The following ENTPD4 variants were observed in gnomAD, a reference collection of about 807,000 sequenced individuals.
The protein encoded by ENTPD4 is ectonucleoside triphosphate diphosphohydrolase 4, also known as Golgi UDPase.
A neutral mutation model predicts 79.1 loss-of-function variants in ENTPD4; 60 were observed. The observed-to-expected ratio is 0.76, with a 90% CI of 0.62 to 0.94. The LOEUF (loss-of-function observed/expected upper bound fraction) is 0.94, where lower values mean the gene tolerates loss of function less well. ENTPD4 is among the 40% of genes least tolerant of loss of function. The pLI, the probability that ENTPD4 is intolerant of heterozygous loss-of-function variation, is 0.00. For missense variants in ENTPD4, 772 were observed against 775.1 expected (o/e 1.00, Z 0.05); for synonymous variants, 276 against 292.0 (o/e 0.95, Z 0.56).
In ENTPD4 at chr8:23,433,219, C is replaced by G. The variant is rs764237088; in HGVS notation, c.1623-65G>C. 6 of 1,425,056 alleles carry G rather than the reference C, an allele frequency of 4.2e-6. No homozygotes were observed. In the African/African-American group the frequency reaches 7.0e-5, roughly 17 times the overall value. 88.3% of individuals were successfully genotyped at this position (1,425,056 alleles called of 1,614,324 possible). On this transcript the variant is annotated intron_variant, in intron 12 of 12. Transcript: ENST00000358689. ...CAAGGAAAGGGGTGGAAAGGGTGCACAGGGGGACGGCGGGACCCAGGCCCC... is the reference window on the plus strand; with the variant it reads ...CAAGGAAAGGGGTGGAAAGGGTGCAGAGGGGGACGGCGGGACCCAGGCCCC...
At chr8:23,447,424 G>A (rs1800780905) in intron 4 of ENTPD4, among the ~76,000 whole-genome samples, 1 of 152,192 alleles carries the variant, frequency 6.6e-6, no homozygotes, top group African/African-American at 2.4e-5. Context: ...CATCTGCGTA[G>A]ATACCATGAG....
Position 23,443,924 on chromosome 8 carries a change from A to G in ENTPD4, c.593T>C (p.Leu198Pro), listed in dbSNP as rs1034484628. ...SQQKAILEDL[L>P]TDIPVHFDFL... is the part of the protein sequence containing the mutation. Reference sequence around the variant, plus strand: ...GTCAAAGTGCACGGGGATATCGGTCAGAAGGTCTTCCAGAATAGCTTTCTG... The same window carrying G: ...GTCAAAGTGCACGGGGATATCGGTCGGAAGGTCTTCCAGAATAGCTTTCTG... The change falls in exon 6 of 13, where the codon CTG becomes CCG. Residue 198 changes from leucine (L) to proline (P), a missense_variant. Transcript: ENST00000358689. The G allele has an allele frequency of 6.2e-7, 1 of 1,613,312 alleles. No homozygotes were observed. Among genetic ancestry groups the G allele is most frequent in the African/African-American group, 1.3e-5 (1 of 74,942 alleles).
chr8:23,435,566 C>T, intron 10 of ENTPD4, 89 bp from the exon 11 acceptor site: 1 of 868,940 alleles, frequency 1.2e-6, no homozygotes. Flanking sequence ...ATATTTGTAA[C>T]AAGCATATCC....
At chr8:23,439,349 T>A (rs1186965766) in intron 9 of ENTPD4, among the ~76,000 whole-genome samples, 1 of 152,188 alleles carries the variant, frequency 6.6e-6, no homozygotes, top group Non-Finnish European at 1.5e-5. Context: ...CATCACATAT[T>A]TCAATCTCCT....
chr8:23,455,833 T>A (rs1236118147), intron 1 of ENTPD4, among the ~76,000 whole-genome samples: 1 of 152,202 alleles, frequency 6.6e-6, no homozygotes, highest in Non-Finnish European at 1.5e-5. Context: ...CTAAGACGGG[T>A]ACCACCAATC....
At position 23,439,875 on chromosome 8, in the gene ENTPD4, C is replaced by A; in HGVS notation, c.923G>T (p.Gly308Val). 1 of 1,614,128 alleles carries A rather than the reference C, an allele frequency of 6.2e-7. No individual in the cohort carries two copies. The highest frequency in any genetic ancestry group is 1.1e-5 in the South Asian group (1 of 91,088). ...AKNLLAEFNL[G>V]CDVHQTEHVY... is the part of the protein sequence containing the mutation. ...ATGCTCAGTTTGGTGAACATCACAT[C>A]CCAAGTTAAATTCAGCTAACAAGTT... Residue 308 changes from glycine (G) to valine (V), a missense_variant, in exon 9 of 13, where the codon GGA (glycine) becomes GTA (valine). Physicochemically the swap from Gly to Val is moderately radical, Grantham distance 109 (BLOSUM62 -3). Transcript: ENST00000358689.
In ENTPD4 at chr8:23,439,737, A is replaced by G; in HGVS notation, c.1049+12T>C. The G allele has an allele frequency of 6.2e-7, 1 of 1,613,146 alleles. No homozygotes were observed. The highest frequency in any genetic ancestry group is 8.5e-7 in the Non-Finnish European group (1 of 1,179,234). Reference sequence around the variant, plus strand: ...TTTGCAAATGACTGCCAAGTAGTGAAAGGTGCTTTACCTGTTCTTTTGAAT... The same window carrying G: ...TTTGCAAATGACTGCCAAGTAGTGAGAGGTGCTTTACCTGTTCTTTTGAAT... On this transcript the variant is annotated intron_variant, in intron 9 of 12. Coordinates refer to ENST00000358689, the MANE Select transcript of ENTPD4 (RefSeq NM_004901.5).
Position 23,432,849 on chromosome 8 carries a change from C to G in ENTPD4, c.*77G>C. 1 of 1,462,646 alleles carries G rather than the reference C, an allele frequency of 6.8e-7. No homozygotes were observed. The highest frequency in any genetic ancestry group is 9.0e-7 in the Non-Finnish European group (1 of 1,105,568). The allele number at this position is 1,462,646 out of a possible 1,614,324, so 90.6% of individuals were successfully genotyped here. ...AAAAAAGGGAAAGAAAAAACAAAAC[C>G]ACAGGAAAATAAAGAGGAGAAACCC... On this transcript the variant is annotated 3_prime_UTR_variant, in exon 13 of 13. Coordinates refer to ENST00000358689, the MANE Select transcript of ENTPD4 (RefSeq NM_004901.5).
At position 23,437,278 on chromosome 8, in the gene ENTPD4, T is replaced by C; in HGVS notation, c.1050-20A>G. On this transcript the variant is annotated intron_variant, in intron 9 of 12. Coordinates refer to ENST00000358689, the MANE Select transcript of ENTPD4 (RefSeq NM_004901.5). The stretch of plus-strand genomic sequence containing the variant: ...AGGAGCCTATGGCAAAACAAGAAAC[T>C]TCATCGTGAGTCCTACAGAAAACTG... 2 of 1,544,696 alleles carry C rather than the reference T, an allele frequency of 1.3e-6. No homozygotes were observed. The highest frequency in any genetic ancestry group is 1.7e-6 in the Non-Finnish European group (2 of 1,145,846).
rs763647860 is a variant in ENTPD4 at position 23,437,030 on chromosome 8, A to C, written c.1278T>G (p.Ser426Arg). Residue 426 changes from serine to arginine, a missense_variant, in exon 10 of 13, where the codon AGT (serine) becomes AGG (arginine). Physicochemically the swap from Ser to Arg is moderately radical, Grantham distance 110. Transcript: ENST00000358689. ...VYQPPIHFQN[S>R]EFYGFSEFYY... ...AGAATTCGGAGAAGCCATAGAATTC[A>C]CTGTTCTGGAAGTGAATTGGGGGCT... 1 of 1,614,170 alleles carries C rather than the reference A, an allele frequency of 6.2e-7. No homozygotes were observed. Among genetic ancestry groups the C allele is most frequent in the Non-Finnish European group, 8.5e-7 (1 of 1,180,002 alleles).
intron 10 of ENTPD4, among the ~76,000 whole-genome samples, chr8:23,436,178 G>A (rs2117278347): frequency 6.6e-6 from 1 of 152,322 alleles, no homozygotes; most frequent in East Asian, 1.9e-4. Context: ...AGGGAAGCCA[G>A]CTGTCTGACA....
intron 1 of ENTPD4, among the ~76,000 whole-genome samples, chr8:23,456,802 G>C (rs1800967203): frequency 1.3e-5 from 2 of 152,310 alleles, no homozygotes; most frequent in Admixed American, 1.3e-4. Context: ...AGACAACAAA[G>C]ACTGCAATGC....
chr8:23,442,096 A>G, intron 6 of ENTPD4, 30 bp from the exon 7 acceptor site: 1 of 1,549,874 alleles, frequency 6.5e-7, no homozygotes, highest in South Asian at 1.1e-5. Context: ...TGAAGAGAAG[A>G]AAAAGTTTTA....
rs10113258 is a variant in ENTPD4, at chr8:23,431,112, T to C, written c.*1814A>G. ...CAGGTTAAGCTGCACCTGAGGCAGT[T>C]TGAGCCACAACTGGGACAGAATTCC... On this transcript the variant is annotated 3_prime_UTR_variant, in exon 13 of 13. Transcript: ENST00000358689. 4,402 of 474,178 alleles carry C rather than the reference T, an allele frequency of 9.3e-3. 194 individuals are homozygous for C. Among genetic ancestry groups the C allele is most frequent in the African/African-American group, 0.083 (3,941 of 47,274 alleles). The allele number at this position is 474,178 out of a possible 1,614,324, so 29.4% of individuals were successfully genotyped here.
rs1800804916 is a variant in ENTPD4 at position 23,448,723 on chromosome 8, A to C, written c.206+19T>G. ...AGGTAAGGCTTCTGGTCTAGAAAGCAAATGTTTTTATCTCTTACCTTTGAA... is the reference window on the plus strand; with the variant it reads ...AGGTAAGGCTTCTGGTCTAGAAAGCCAATGTTTTTATCTCTTACCTTTGAA... On this transcript the variant is annotated intron_variant, in intron 3 of 12. Transcript: ENST00000358689. 1.2e-6 allele frequency: 2 copies of C among 1,608,034 alleles called. No individual in the cohort carries two copies. Among genetic ancestry groups the C allele is most frequent in the South Asian group, 1.1e-5 (1 of 90,938 alleles).
chr8:23,437,117 C>A lies in ENTPD4; in HGVS notation c.1191G>T (p.Glu397Asp), dbSNP rs1451870038. The A allele has an allele frequency of 6.2e-7, 1 of 1,614,210 alleles. No individual in the cohort carries two copies. The change falls in exon 10 of 13, where the codon GAG (glutamate) becomes GAT (aspartate). Residue 397 changes from glutamate to aspartate, a missense_variant. Glu to Asp is a conservative substitution (Grantham distance 45). Coordinates refer to ENST00000358689, the MANE Select transcript of ENTPD4 (RefSeq NM_004901.5). ...RGTGDFDLCR[E>D]TIQPFMNKTN... is the part of the protein sequence containing the mutation. ...TTTTATTCATGAAAGGCTGGATAGT[C>A]TCTCGACACAGGTCAAAGTCTCCAG...
chr8:23,437,058 T>C lies in ENTPD4; in HGVS notation c.1250A>G (p.Tyr417Cys), dbSNP rs142918666. ...GTTCTGGAAGTGAATTGGGGGCTGG[T>C]AGACCCCATTGAGGGAAGTCTGGGT... ...NETQTSLNGV[Y>C]QPPIHFQNSE... The change falls in exon 10 of 13, where the codon TAC (tyrosine) becomes TGC (cysteine). Residue 417 changes from tyrosine to cysteine, a missense_variant. Tyr to Cys is a radical substitution (Grantham distance 194). Coordinates refer to ENST00000358689, the MANE Select transcript of ENTPD4 (RefSeq NM_004901.5). 30 of 1,613,594 alleles carry C rather than the reference T, an allele frequency of 1.9e-5. No homozygotes were observed. Among genetic ancestry groups the C allele is most frequent in the Admixed American group, 3.3e-5 (2 of 60,030 alleles).
At chr8:23,434,256 G>A in intron 12 of ENTPD4, 61 bp downstream of exon 12, 4 of 1,586,702 alleles carry the variant, frequency 2.5e-6, no homozygotes, top group Non-Finnish European at 3.5e-6. Flanking sequence ...CAGCTGCCAT[G>A]AGGTGCTGTA....
At position 23,436,987 on chromosome 8, in the gene ENTPD4, C is replaced by A. The variant is rs1185868427; in HGVS notation, c.1321G>T (p.Val441Leu). The A allele has an allele frequency of 6.2e-7, 1 of 1,613,040 alleles. No homozygotes were observed. The highest frequency in any genetic ancestry group is 1.1e-5 in the South Asian group (1 of 90,926). Residue 441 changes from valine (V) to leucine (L), a missense_variant, in exon 10 of 13, where the codon GTG becomes TTG. Transcript: ENST00000358689. Reference protein sequence around the residue: ...FSEFYYCTEDVLRMGGDYNAA... With the variant: ...FSEFYYCTEDLLRMGGDYNAA... ...TTGTAGTCTCCCCCCATTCGTAACA[C>A]ATCCTCGGTGCAGTAGTAGAATTCG... is the stretch of plus-strand genomic sequence containing the variant.
Sources: gnomAD v4.1 joint callset for allele counts (sites outside exome capture counted in the v4.1 genomes callset) on GRCh38, gnomAD v4.1.1 for gene constraint, MANE v1.5 for transcripts, NCBI Gene and HGNC (gene_info 2026-07-23, HGNC 2026-07-21) for gene names.